The following TUBGCP5 variants were observed in gnomAD, a reference collection of about 807,000 sequenced individuals.
The protein encoded by TUBGCP5 is tubulin gamma complex component 5.
TUBGCP5 carries 98 observed loss-of-function variants against 134.7 expected under a neutral mutation model. The observed-to-expected ratio is 0.73, with a 90% CI of 0.62 to 0.86. TUBGCP5 has a LOEUF of 0.86. TUBGCP5 is among the 40% of genes least tolerant of loss of function. TUBGCP5 has a pLI of 0.00. For synonymous variants in TUBGCP5, 456 were observed against 431.4 expected (o/e 1.06, Z -0.71); for missense variants, 1,150 against 1,244.8 (o/e 0.92, Z 1.15).
rs1447079996 is a variant in TUBGCP5 at position 23,006,073 on chromosome 15, G to A, written c.2512C>T (p.Leu838=). The A allele has an allele frequency of 1.9e-6, 3 of 1,607,174 alleles. No individual in the cohort carries two copies. Among genetic ancestry groups the A allele is most frequent in the East Asian group, 4.5e-5 (2 of 44,676 alleles). Reference sequence around the variant, plus strand: ...TTACCACCAAAAAGTAAAACATCCAGACTATATTTTGCCCACTTTATTTGC... The same window carrying A: ...TTACCACCAAAAAGTAAAACATCCAAACTATATTTTGCCCACTTTATTTGC... ...LLQIKWAKYS[L]DVLLFGELVS... The change falls in exon 18 of 23, where the codon CTG becomes TTG. Residue 838 remains leucine, a synonymous_variant. Coordinates refer to ENST00000615383, the MANE Select transcript of TUBGCP5 (RefSeq NM_052903.6).
At position 23,022,568 on chromosome 15, in the gene TUBGCP5, G is replaced by T. The variant is rs112444975; in HGVS notation, c.1169-407C>A. ...CAAAGGGCTGCACAAGCAAGCTCCT[G>T]GGAGGCGATGGCACAGCTGTGATCT... On this transcript the variant is annotated intron_variant, in intron 10 of 22. Coordinates refer to ENST00000615383, the MANE Select transcript of TUBGCP5 (RefSeq NM_052903.6). Among the ~76,000 whole-genome samples the T allele has an allele frequency of 3.5e-3, 526 of 152,364 alleles. 5 individuals are homozygous for T. Among genetic ancestry groups the T allele is most frequent in the African/African-American group, 0.012 (509 of 41,582 alleles).
In TUBGCP5 at chr15:23,037,106, T is replaced by C. The variant is rs1489757974; in HGVS notation, c.193A>G (p.Ile65Val). 1.2e-6 allele frequency: 2 copies of C among 1,613,874 alleles called. No homozygotes were observed. Among genetic ancestry groups the C allele is most frequent in the Admixed American group, 1.7e-5 (1 of 60,022 alleles). The part of the protein sequence containing the change: ...DVNSHKIEKT[I>V]EGIYEKFVIH... ...ATATACACACTGACTTACCCTTCGA[T>C]TGTTTTTTCTATTTTGTGGCTGTTG... is the stretch of plus-strand genomic sequence containing the variant. Residue 65 changes from isoleucine to valine, a missense_variant, in exon 2 of 23, where the codon ATC (isoleucine) becomes GTC (valine). Ile to Val is a conservative substitution (Grantham distance 29, BLOSUM62 3). This residue lies in a region of TUBGCP5 where 453 missense variants were observed against 394.7 expected (regional missense o/e 1.15). Transcript: ENST00000615383.
Position 23,006,093 on chromosome 15 carries a change from A to C in TUBGCP5, c.2492T>G (p.Ile831Arg), listed in dbSNP as rs1438754012. ...YNQVFLLLLQIKWAKYSLDVL... is the reference protein window; with the variant it reads ...YNQVFLLLLQRKWAKYSLDVL... ...ATCCAGACTATATTTTGCCCACTTT[A>C]TTTGCAATAAGAGAAGAAACACTTG... is the stretch of plus-strand genomic sequence containing the variant. Residue 831 changes from isoleucine to arginine, a missense_variant, in exon 18 of 23, where the codon ATA becomes AGA. Ile to Arg is a moderately conservative substitution (Grantham distance 97). Coordinates refer to ENST00000615383, the MANE Select transcript of TUBGCP5 (RefSeq NM_052903.6). 1 of 1,611,832 alleles carries C rather than the reference A, an allele frequency of 6.2e-7. No homozygotes were observed. The highest frequency in any genetic ancestry group is 8.5e-7 in the Non-Finnish European group (1 of 1,179,572).
downstream of TUBGCP5, among the ~76,000 whole-genome samples, chr15:22,998,414 C>T (rs963046534): frequency 2.0e-5 from 3 of 152,182 alleles, no homozygotes; most frequent in African/African-American, 4.8e-5. Flanking sequence ...AGCTATTTTC[C>T]ATGTAGAACT....
intron 1 of TUBGCP5, among the ~76,000 whole-genome samples, chr15:23,037,820 GA>G (rs2066682036): frequency 1.3e-5 from 2 of 152,192 alleles, no homozygotes; most frequent in African/African-American, 4.8e-5. Flanking sequence ...TTTTCAGTTA[GA>G]GAAAAGTGAG....
At chr15:23,029,832 G>C (rs1262000175) in intron 6 of TUBGCP5, among the ~76,000 whole-genome samples, 1 of 151,764 alleles carries the variant, frequency 6.6e-6, no homozygotes, top group Non-Finnish European at 1.5e-5. Flanking sequence ...AGTGAGGTGA[G>C]ATCATGCTAC....
rs768191916 is a variant in TUBGCP5 at position 23,006,297 on chromosome 15, T to C, written c.2383A>G (p.Ile795Val). The change falls in exon 17 of 23, where the codon ATC becomes GTC. Residue 795 changes from isoleucine (I) to valine (V), a missense_variant. Ile to Val is a conservative substitution (Grantham distance 29, BLOSUM62 3). Coordinates refer to ENST00000615383, the MANE Select transcript of TUBGCP5 (RefSeq NM_052903.6). ...DTAKKKLPVHILDGLTLSYKV... is the reference protein window; with the variant it reads ...DTAKKKLPVHVLDGLTLSYKV... Reference sequence around the variant, plus strand: ...TAGCTGAGGGTCAGACCATCTAAGATATGAACAGGCAGCTTCTTCTTAGCT... The same window carrying C: ...TAGCTGAGGGTCAGACCATCTAAGACATGAACAGGCAGCTTCTTCTTAGCT... The C allele has an allele frequency of 1.9e-6, 3 of 1,610,290 alleles. No individual in the cohort carries two copies. The highest frequency in any genetic ancestry group is 2.5e-6 in the Non-Finnish European group (3 of 1,179,308).
At position 23,032,733 on chromosome 15, in the gene TUBGCP5, T is replaced by G; in HGVS notation, c.401A>C (p.Glu134Ala). Residue 134 changes from glutamate to alanine, a missense_variant, in exon 4 of 23, where the codon GAA (glutamate) becomes GCA (alanine). Glu to Ala is a moderately radical substitution (Grantham distance 107, BLOSUM62 -1). This residue lies in a region of TUBGCP5 where 453 missense variants were observed against 394.7 expected (regional missense o/e 1.15). Transcript: ENST00000615383. ...SSYVETPRNK[E>A]VEKKDDFDWG... is the part of the protein sequence containing the mutation. ...TAAGGAATCTAGTAACATACCCACT[T>G]CTTTATTTCTTGGTGTCTCCACATA... 1 of 1,575,468 alleles carries G rather than the reference T, an allele frequency of 6.3e-7. No homozygotes were observed. Among genetic ancestry groups the G allele is most frequent in the South Asian group, 1.2e-5 (1 of 83,856 alleles).
intron 1 of TUBGCP5, 50 bp from the exon 2 acceptor site, chr15:23,037,202 G>A (rs748949758): frequency 6.4e-7 from 1 of 1,572,658 alleles, no homozygotes; most frequent in East Asian, 2.2e-5. Flanking sequence ...ACACAGGTAA[G>A]TGAACTCATC....
At chr15:22,992,295 G>C (rs1313986741) in intron 23 of TUBGCP5, among the ~76,000 whole-genome samples, 1 of 152,126 alleles carries the variant, frequency 6.6e-6, no homozygotes, top group Non-Finnish European at 1.5e-5. Context: ...GAAGCAGCAA[G>C]AACTGACGCA....
At chr15:23,027,871 A>G (rs748264968) in intron 6 of TUBGCP5, among the ~76,000 whole-genome samples, 13 of 152,138 alleles carry the variant, frequency 8.5e-5, no homozygotes, top group Non-Finnish European at 8.8e-5. Flanking sequence ...TATAAATGGT[A>G]TATGTTAATT....
rs531926227 is a variant in TUBGCP5, at chr15:23,003,632, G to GTT, written c.2838+468_2838+469dup. On this transcript the variant is annotated intron_variant, in intron 20 of 22. Coordinates refer to ENST00000615383, the MANE Select transcript of TUBGCP5 (RefSeq NM_052903.6). ...CTACGAATAGGGCACTCCTCCTTCT[G>GTT]TTTTTTTTTTTTTTTTTTTTTTTTT... 2.2e-3 allele frequency among the ~76,000 whole-genome samples: 193 copies of GTT among 88,654 alleles called. 2 individuals carry two copies. The highest frequency in any genetic ancestry group is 7.8e-3 in the Middle Eastern group (1 of 128). The allele number at this position is 88,654 out of a possible 152,430, so 58.2% of individuals were successfully genotyped here. A position where few individuals can be genotyped will look rare whatever the true frequency, so the allele number is the denominator to read the frequency against.
At chr15:23,007,784 C>T (rs954056454) in intron 16 of TUBGCP5, among the ~76,000 whole-genome samples, 11 of 152,268 alleles carry the variant, frequency 7.2e-5, no homozygotes, top group Middle Eastern at 3.4e-3. Flanking sequence ...AAAGCTTAGT[C>T]CATCTGTTTA....
intron 23 of TUBGCP5, among the ~76,000 whole-genome samples, chr15:22,993,202 C>T (rs188757728): frequency 1.1e-4 from 16 of 150,656 alleles, no homozygotes; most frequent in African/African-American, 3.7e-4. Flanking sequence ...CGGCTTCAAG[C>T]GATTCCCCTG....
At chr15:23,000,707 T>A (rs2064321558) in intron 21 of TUBGCP5, 38 bp from the exon 22 acceptor site, 1 of 1,507,768 alleles carries the variant, frequency 6.6e-7, no homozygotes, top group Non-Finnish European at 9.1e-7. Context: ...GTAAGTGCAT[T>A]GCGGGTATAT....
rs1210798007 is a variant in TUBGCP5, at chr15:23,012,115, C to CAAAAAAAA, written c.1757-792_1757-785dup. 2.5e-5 allele frequency among the ~76,000 whole-genome samples: 2 copies of CAAAAAAAA among 80,838 alleles called. 1 individual carries two copies. Among genetic ancestry groups the CAAAAAAAA allele is most frequent in the Non-Finnish European group, 5.5e-5 (2 of 36,276 alleles). The allele number at this position is 80,838 out of a possible 152,430, so 53.0% of individuals were successfully genotyped here. ...TGGGCAATAGGAGTGAAACCTGACT[C>CAAAAAAAA]AAAAAAAAAAAAAAAAAAAGAGTAA... On this transcript the variant is annotated intron_variant, in intron 13 of 22. Coordinates refer to ENST00000615383, the MANE Select transcript of TUBGCP5 (RefSeq NM_052903.6).
intron 16 of TUBGCP5, 48 bp downstream of exon 16, chr15:23,008,651 A>G (rs766599997): frequency 3.8e-6 from 6 of 1,571,178 alleles, no homozygotes; most frequent in East Asian, 2.2e-5. Flanking sequence ...TTACTGGCAC[A>G]TAGTTCATGT....
intron 8 of TUBGCP5, 81 bp from the exon 9 acceptor site, chr15:23,024,911 T>C: frequency 1.1e-6 from 1 of 883,262 alleles, no homozygotes. Context: ...CATTTTTTTT[T>C]TTTTTTGACA....
chr15:23,038,431 A>AAT (rs2066721604), intron 1 of TUBGCP5, among the ~76,000 whole-genome samples: 1 of 152,212 alleles, frequency 6.6e-6, no homozygotes, highest in African/African-American at 2.4e-5. Context: ...TCAGCATTTA[A>AAT]GTTTCTGTAT....
Sources: allele counts gnomAD v4.1 joint callset (sites outside exome capture counted in the v4.1 genomes callset), GRCh38; gene constraint gnomAD v4.1.1; regional missense constraint gnomAD v4.1.1; transcripts MANE v1.5; gene names NCBI Gene and HGNC (gene_info 2026-07-23, HGNC 2026-07-21).